PARVA: variants seen among roughly 807,000 people sequenced by gnomAD.
PARVA encodes parvin alpha.
Under a neutral mutation model 52.6 loss-of-function variants are expected in PARVA, and 25 were observed. The observed-to-expected ratio is 0.48, with a 90% CI of 0.35 to 0.66. The LOEUF (loss-of-function observed/expected upper bound fraction) is 0.66, where lower values mean the gene tolerates loss of function less well. Ranked by LOEUF, PARVA falls within the 30% of genes least tolerant of loss-of-function variation. The probability of loss-of-function intolerance (pLI) is 0.01; values close to 1 mark genes in which losing one functional copy is unlikely to be tolerated. For missense variants in PARVA, 373 were observed against 450.9 expected (o/e 0.83, Z 1.56); for synonymous variants, 185 against 179.1 (o/e 1.03, Z -0.26).
intron 10 of PARVA, among the ~76,000 whole-genome samples, chr11:12,516,392 C>G (rs571699023): frequency 2.6e-5 from 4 of 152,094 alleles, no homozygotes; most frequent in African/African-American, 9.6e-5. Context: ...GCTAGGCCAT[C>G]CCCCCTACCT....
rs2135101422 is a variant in PARVA, at chr11:12,534,666, T to A, written c.*6741T>A. 6.6e-6 allele frequency among the ~76,000 whole-genome samples: 1 copy of A among 152,358 alleles called. No individual in the cohort carries two copies. Among genetic ancestry groups the A allele is most frequent in the Non-Finnish European group, 1.5e-5 (1 of 68,032 alleles). On this transcript the variant is annotated 3_prime_UTR_variant, in exon 13 of 13. Coordinates refer to ENST00000334956, the MANE Select transcript of PARVA (RefSeq NM_018222.5). ...AACCGCTTAAAGGAGTGTGATATTT[T>A]ATTGAGGTAGACAGGACAATAGATA...
intron 4 of PARVA, among the ~76,000 whole-genome samples, chr11:12,482,677 G>A (rs1941104624): frequency 6.6e-6 from 1 of 151,798 alleles, no homozygotes; most frequent in African/African-American, 2.4e-5. Flanking sequence ...CCACATGGCT[G>A]GTGAGGCCTT....
chr11:12,506,025 G>A (rs1031198550), intron 6 of PARVA, among the ~76,000 whole-genome samples: 28 of 152,174 alleles, frequency 1.8e-4, no homozygotes, highest in Admixed American at 1.1e-3. Context: ...TAAGCTCATC[G>A]GTTGTTAAAA....
rs1338364229 is a variant in PARVA at position 12,528,167 on chromosome 11, C to T, written c.*242C>T. ...GCAATGAAGGTTGGGAAGGTTGTTC[C>T]CTTCCCGGTGCCAGGTCCAGATTTC... is the stretch of plus-strand genomic sequence containing the variant. On this transcript the variant is annotated 3_prime_UTR_variant, in exon 13 of 13. Transcript: ENST00000334956. 1 of 512,106 alleles carries T rather than the reference C, an allele frequency of 2.0e-6. No homozygotes were observed. Among genetic ancestry groups the T allele is most frequent in the Non-Finnish European group, 3.5e-6 (1 of 286,660 alleles). 31.7% of individuals were successfully genotyped at this position (512,106 alleles called of 1,614,324 possible).
intron 4 of PARVA, among the ~76,000 whole-genome samples, chr11:12,483,756 G>A (rs1315668756): frequency 6.6e-6 from 1 of 152,108 alleles, no homozygotes; most frequent in Non-Finnish European, 1.5e-5. Context: ...TGGGGACACT[G>A]GCCACTTCTC....
chr11:12,389,764 G>A (rs1939630709), intron 1 of PARVA, among the ~76,000 whole-genome samples: 1 of 152,158 alleles, frequency 6.6e-6, no homozygotes, highest in South Asian at 2.1e-4. Context: ...AAGTCAGTAG[G>A]CAGGTATCTC....
intron 4 of PARVA, among the ~76,000 whole-genome samples, chr11:12,483,738 C>T (rs924278168): frequency 6.6e-6 from 1 of 152,348 alleles, no homozygotes; most frequent in East Asian, 1.9e-4. Context: ...GAGACAGCAA[C>T]CCCGCTGTGG....
In PARVA at chr11:12,473,792, A is replaced by G; in HGVS notation, c.184A>G (p.Ser62Gly). 1.3e-6 allele frequency: 2 copies of G among 1,572,108 alleles called. No homozygotes were observed. The highest frequency in any genetic ancestry group is 8.6e-7 in the Non-Finnish European group (1 of 1,157,600). ...EGMNAINLPLSPIPFELDPED... is the reference protein window; with the variant it reads ...EGMNAINLPLGPIPFELDPED... ...AATGAACGCCATCAACCTGCCCCTC[A>G]GCCCAATTCCCTTTGAGCTGGACCC... The change falls in exon 2 of 13, where the codon AGC (serine) becomes GGC (glycine). Residue 62 changes from serine to glycine, a missense_variant. Transcript: ENST00000334956.
intron 1 of PARVA, among the ~76,000 whole-genome samples, chr11:12,381,882 T>G (rs905473901): frequency 2.0e-5 from 3 of 147,512 alleles, no homozygotes; most frequent in African/African-American, 8.1e-5. Flanking sequence ...TGTCATGACT[T>G]TTCTCTGATA....
In PARVA at chr11:12,517,609, G is replaced by A; in HGVS notation, c.868-1G>A. 2 of 1,589,048 alleles carry A rather than the reference G, an allele frequency of 1.3e-6. No homozygotes were observed. Among genetic ancestry groups the A allele is most frequent in the Middle Eastern group, 1.7e-4 (1 of 6,010 alleles). ...GTGCCATCACCTGGCTCTTCCTCCAGTTTGCAGATGGGGTGTACCTGGTGC... is the reference window on the plus strand; with the variant it reads ...GTGCCATCACCTGGCTCTTCCTCCAATTTGCAGATGGGGTGTACCTGGTGC... On this transcript the variant is annotated splice_acceptor_variant, in intron 10 of 12. Transcript: ENST00000334956. LOFTEE classifies it high-confidence loss of function.
chr11:12,435,263 T>C (rs1054217449), intron 1 of PARVA, among the ~76,000 whole-genome samples: 11 of 152,210 alleles, frequency 7.2e-5, no homozygotes, highest in African/African-American at 2.7e-4. Context: ...TTTTCCCCAC[T>C]GACTCTCCCT....
In PARVA at chr11:12,377,713, C is replaced by A; in HGVS notation, c.66C>A (p.Ser22=). The change falls in exon 1 of 13, where the codon TCC becomes TCA. Residue 22 remains serine, a synonymous_variant. Transcript: ENST00000334956. ...CTCCCACTCCCAAGTCGCCCCCGTC[C>A]CGCAAGAAAGATGATTCCTTCTTGG... ...PKSPTPKSPP[S]RKKDDSFLGK... 1 of 1,566,212 alleles carries A rather than the reference C, an allele frequency of 6.4e-7. No homozygotes were observed. Among genetic ancestry groups the A allele is most frequent in the Non-Finnish European group, 8.6e-7 (1 of 1,161,008 alleles).
intron 1 of PARVA, among the ~76,000 whole-genome samples, chr11:12,422,604 G>T (rs375435209): frequency 1.1e-4 from 1 of 8,866 alleles, no homozygotes; most frequent in Non-Finnish European, 5.4e-3. Flanking sequence ...AGCTTATAGG[G>T]TCATTTCCCA....
At chr11:12,513,032 G>A in intron 8 of PARVA, 1 of 632,398 alleles carries the variant, frequency 1.6e-6, no homozygotes, top group Non-Finnish European at 2.9e-6. Context: ...CTAATCCCGG[G>A]TCACACTACC....
chr11:12,451,462 G>C (rs574688601), intron 1 of PARVA, among the ~76,000 whole-genome samples: 13 of 147,750 alleles, frequency 8.8e-5, no homozygotes, highest in Admixed American at 7.4e-4. Flanking sequence ...TTTTTTTTCT[G>C]TCTGATATCT....
chr11:12,394,112 AATT>A (rs1020709522), intron 1 of PARVA, among the ~76,000 whole-genome samples: 1 of 152,112 alleles, frequency 6.6e-6, no homozygotes, highest in Non-Finnish European at 1.5e-5. Context: ...TGGGATAGGG[AATT>A]ATTATTATTT....
chr11:12,395,692 G>A (rs1292988011), intron 1 of PARVA, among the ~76,000 whole-genome samples: 1 of 152,188 alleles, frequency 6.6e-6, no homozygotes, highest in Non-Finnish European at 1.5e-5. Context: ...TAGTTCTCCT[G>A]AGTCCCAGGT....
intron 3 of PARVA, among the ~76,000 whole-genome samples, chr11:12,475,039 T>TCAGAGTTTC (rs1940990117): frequency 1.3e-5 from 2 of 152,106 alleles, no homozygotes; most frequent in South Asian, 4.2e-4. Flanking sequence ...GCAAGACCTC[T>TCAGAGTTTC]CAGAGTTTCT....
intron 1 of PARVA, among the ~76,000 whole-genome samples, chr11:12,407,917 AC>A (rs2134971635): frequency 6.6e-6 from 1 of 152,264 alleles, no homozygotes; most frequent in African/African-American, 2.4e-5. Flanking sequence ...TTCCTAAAAC[AC>A]AGGCTTCTCT....
Sources: allele counts gnomAD v4.1 joint callset (sites outside exome capture counted in the v4.1 genomes callset), GRCh38; gene constraint gnomAD v4.1.1; transcripts MANE v1.5; gene names NCBI Gene and HGNC (gene_info 2026-07-23, HGNC 2026-07-21).